The following ZNF557 variants were observed in gnomAD, a reference collection of about 807,000 sequenced individuals.
ZNF557 encodes zinc finger protein 557.
In ZNF557, 19 loss-of-function variants were observed where a neutral mutation model predicts 21.2. The observed-to-expected ratio is 0.90, with a 90% CI of 0.63 to 1.32. The LOEUF (loss-of-function observed/expected upper bound fraction) is 1.32, where lower values mean the gene tolerates loss of function less well. Among genes scored for constraint, ZNF557 ranks in the 40% most tolerant of loss-of-function variants. The pLI, the probability that ZNF557 is intolerant of heterozygous loss-of-function variation, is 0.00. For synonymous variants in ZNF557, 207 were observed against 194.8 expected, an observed-to-expected ratio of 1.06 and a Z score of -0.52; for missense variants, 487 against 519.8, an observed-to-expected ratio of 0.94 and a Z score of 0.61.
chr19:7,082,057 G>GACTA lies in ZNF557; in HGVS notation c.426+8_426+11dup, dbSNP rs1568409732. ...CAATCTAGAAATATGAAAATGGTAA[G>GACTA]ACTAACATGGGTGATTCCTGGTTTT... On this transcript the variant is annotated splice_donor_region_variant and intron_variant, in intron 7 of 7. Transcript: ENST00000252840. The GACTA allele has an allele frequency of 6.2e-7, 1 of 1,607,356 alleles. No homozygotes were observed. Among genetic ancestry groups the GACTA allele is most frequent in the Admixed American group, 1.7e-5 (1 of 59,970 alleles).
rs921496061 is a variant in ZNF557, at chr19:7,084,966, T to G, written c.*1222T>G. On this transcript the variant is annotated 3_prime_UTR_variant, in exon 8 of 8. Coordinates refer to ENST00000252840, the MANE Select transcript of ZNF557 (RefSeq NM_024341.3). ...GGAGATCATACAACAGAGGAATATG[T>G]TGAGTATACACAGTGTTGAAAAGCC... The G allele has an allele frequency of 6.6e-6, 1 of 152,128 alleles. No homozygotes were observed. Among genetic ancestry groups the G allele is most frequent in the Non-Finnish European group, 1.5e-5 (1 of 68,034 alleles). 9.4% of individuals were successfully genotyped at this position (152,128 alleles called of 1,614,324 possible). A position where few individuals can be genotyped will look rare whatever the true frequency, so the allele number is the denominator to read the frequency against.
intron 2 of ZNF557, among the ~76,000 whole-genome samples, chr19:7,072,331 GA>G (rs1977478562): frequency 6.6e-6 from 1 of 151,180 alleles, no homozygotes; most frequent in African/African-American, 2.4e-5. Flanking sequence ...GGCTGAGGCA[GA>G]CAGAATTGCT....
At chr19:7,076,642 T>C in intron 5 of ZNF557, 135 bp downstream of exon 5, 1 of 1,319,954 alleles carries the variant, frequency 7.6e-7, no homozygotes, top group Non-Finnish European at 1.0e-6. Context: ...TTGGTGGCTT[T>C]TCGTAGGTTC....
intron 7 of ZNF557, 78 bp from the exon 8 acceptor site, chr19:7,082,800 G>A: frequency 7.0e-7 from 1 of 1,424,124 alleles, no homozygotes; most frequent in Non-Finnish European, 9.4e-7. Flanking sequence ...CAGAATTCCT[G>A]GGAGAGGAAA....
chr19:7,079,225 ATT>A (rs1977642357), intron 5 of ZNF557, among the ~76,000 whole-genome samples: 1 of 3,604 alleles, frequency 2.8e-4, no homozygotes, highest in Non-Finnish European at 7.3e-4. Context: ...ATGCAGTTTC[ATT>A]CATTTTTTGT....
rs1977554285 is a variant in ZNF557, at chr19:7,074,982, C to T, written c.-79-14C>T. ...GGGGTGACCGAGGCAGAGTGTTCCC[C>T]CCATTTCTTCCAGGGTGCTGTCCTG... On this transcript the variant is annotated splice_polypyrimidine_tract_variant and intron_variant, in intron 2 of 7. Coordinates refer to ENST00000252840, the MANE Select transcript of ZNF557 (RefSeq NM_024341.3). 3 of 1,602,896 alleles carry T rather than the reference C, an allele frequency of 1.9e-6. No individual in the cohort carries two copies. Among genetic ancestry groups the T allele is most frequent in the Non-Finnish European group, 2.6e-6 (3 of 1,173,182 alleles).
chr19:7,079,454 A>C (rs1309935230), intron 5 of ZNF557, among the ~76,000 whole-genome samples: 1 of 151,618 alleles, frequency 6.6e-6, no homozygotes, highest in African/African-American at 2.4e-5. Context: ...GTTAGCCAGG[A>C]TGATCTCGAT....
chr19:7,079,532 G>C (rs78636476), intron 5 of ZNF557, among the ~76,000 whole-genome samples: 6 of 151,996 alleles, frequency 3.9e-5, no homozygotes, highest in South Asian at 2.1e-4. Context: ...GAGCCACCGC[G>C]CCCGGCCCAT....
At chr19:7,071,887 C>T (rs570553744) in intron 2 of ZNF557, among the ~76,000 whole-genome samples, 14 of 144,140 alleles carry the variant, frequency 9.7e-5, no homozygotes, top group East Asian at 4.2e-4. Context: ...AGGCAGATCA[C>T]GAGGTCAGGA....
chr19:7,085,169 A>G lies in ZNF557; in HGVS notation c.*1425A>G, dbSNP rs1599846470. 1.3e-5 allele frequency: 2 copies of G among 152,142 alleles called. No homozygotes were observed. The highest frequency in any genetic ancestry group is 4.8e-5 in the African/African-American group (2 of 41,456). 9.4% of individuals were successfully genotyped at this position (152,142 alleles called of 1,614,324 possible). ...TTAGGAACCTAACTCAGTGTAAGAT[A>G]ACAATTTATACAATTTATTTTTTGA... On this transcript the variant is annotated 3_prime_UTR_variant, in exon 8 of 8. Transcript: ENST00000252840.
chr19:7,077,074 A>C (rs1011114368), intron 5 of ZNF557, among the ~76,000 whole-genome samples: 12 of 151,678 alleles, frequency 7.9e-5, no homozygotes, highest in African/African-American at 2.9e-4. Flanking sequence ...ATATAAATGA[A>C]ATCATACAAA....
intron 5 of ZNF557, among the ~76,000 whole-genome samples, 158 bp from the exon 6 acceptor site, chr19:7,081,198 TGTGA>T (rs1377779763): frequency 5.0e-3 from 190 of 38,256 alleles, no homozygotes; most frequent in African/African-American, 0.022. Context: ...TGTGTGTGTG[TGTGA>T]GTGTTTAAGA....
At position 7,074,979 on chromosome 19, in the gene ZNF557, C is replaced by A; in HGVS notation, c.-79-17C>A. 2 of 1,592,580 alleles carry A rather than the reference C, an allele frequency of 1.3e-6. No individual in the cohort carries two copies. Among genetic ancestry groups the A allele is most frequent in the Middle Eastern group, 1.7e-4 (1 of 6,030 alleles). The stretch of plus-strand genomic sequence containing the variant: ...GAGGGGGTGACCGAGGCAGAGTGTT[C>A]CCCCCATTTCTTCCAGGGTGCTGTC... On this transcript the variant is annotated splice_polypyrimidine_tract_variant and intron_variant, in intron 2 of 7. Coordinates refer to ENST00000252840, the MANE Select transcript of ZNF557 (RefSeq NM_024341.3).
At chr19:7,080,755 TCTC>T (rs1415888292) in intron 5 of ZNF557, among the ~76,000 whole-genome samples, 1 of 152,214 alleles carries the variant, frequency 6.6e-6, no homozygotes, top group African/African-American at 2.4e-5. Flanking sequence ...GATTAGGCAT[TCTC>T]CTGTGGCTGT....
chr19:7,073,726 C>T (rs1977511628), intron 2 of ZNF557, among the ~76,000 whole-genome samples: 1 of 152,088 alleles, frequency 6.6e-6, no homozygotes, highest in South Asian at 2.1e-4. Flanking sequence ...CCATTCAGTC[C>T]TCTCCCAATC....
intron 1 of ZNF557, among the ~76,000 whole-genome samples, chr19:7,070,055 C>T (rs1977429244): frequency 6.6e-6 from 1 of 152,160 alleles, no homozygotes; most frequent in Admixed American, 6.5e-5. Flanking sequence ...CTACTGTAAT[C>T]TAGAGGGTGG....
intron 5 of ZNF557, among the ~76,000 whole-genome samples, chr19:7,080,082 A>G (rs1237855227): frequency 6.6e-6 from 1 of 152,066 alleles, no homozygotes; most frequent in Non-Finnish European, 1.5e-5. Context: ...TGGGCGGATC[A>G]CCTGAGGTCA....
At chr19:7,081,306 G>C in intron 5 of ZNF557, 54 bp from the exon 6 acceptor site, 4 of 1,229,186 alleles carry the variant, frequency 3.3e-6, no homozygotes, top group Non-Finnish European at 4.8e-6. Context: ...TTTCATGGGA[G>C]AGCTTGTCTG....
chr19:7,081,782 A>G (rs141268100), intron 6 of ZNF557, among the ~76,000 whole-genome samples, 188 bp from the exon 7 acceptor site: 141 of 152,128 alleles, frequency 9.3e-4, no homozygotes, highest in Middle Eastern at 6.8e-3. Context: ...ATCAATCTCA[A>G]TCTTCCTAGA....
Sources: allele counts gnomAD v4.1 joint callset (sites outside exome capture counted in the v4.1 genomes callset), GRCh38; gene constraint gnomAD v4.1.1; transcripts MANE v1.5; gene names NCBI Gene and HGNC (gene_info 2026-07-23, HGNC 2026-07-21).